Variants in FSTL5 observed in about 807,000 individuals in gnomAD.
The protein encoded by FSTL5 is follistatin like 5, also known as follistatin-related protein 5.
A neutral mutation model predicts 89.1 loss-of-function variants in FSTL5; 62 were observed. The ratio of observed to expected loss-of-function variants is 0.70; its 90% CI spans 0.57 to 0.86. The LOEUF (loss-of-function observed/expected upper bound fraction) is 0.86, where lower values mean the gene tolerates loss of function less well. Ranked by LOEUF, FSTL5 falls within the 40% of genes least tolerant of loss-of-function variation. FSTL5 has a pLI of 0.00. For missense variants in FSTL5, 1,057 were observed against 1,001.6 expected (o/e 1.06, Z -0.75); for synonymous variants, 383 against 346.2 (o/e 1.11, Z -1.18).
At chr4:161,833,121 C>T (rs1730903772) in intron 4 of FSTL5, among the ~76,000 whole-genome samples, 2 of 150,794 alleles carry the variant, frequency 1.3e-5, no homozygotes, top group East Asian at 3.9e-4. Context: ...TTTATTTCTG[C>T]CTTCATTTCG....
intron 4 of FSTL5, among the ~76,000 whole-genome samples, chr4:161,834,884 A>C (rs1261535519): frequency 6.6e-6 from 1 of 151,760 alleles, no homozygotes; most frequent in Non-Finnish European, 1.5e-5. Context: ...TGCCCAAGGT[A>C]ATTTATAGAT....
chr4:161,786,054 G>C (rs1409896487), intron 4 of FSTL5, among the ~76,000 whole-genome samples: 1 of 151,946 alleles, frequency 6.6e-6, no homozygotes, highest in Non-Finnish European at 1.5e-5. Flanking sequence ...GACCAAACAA[G>C]AGATAATACA....
intron 8 of FSTL5, among the ~76,000 whole-genome samples, chr4:161,579,741 A>AAG (rs1195393964): frequency 9.9e-6 from 1 of 101,250 alleles, no homozygotes; most frequent in Non-Finnish European, 2.4e-5. Context: ...CAAAAAAAAA[A>AAG]AAAGAAAGAA....
chr4:162,138,440 G>A (rs2111473765), intron 1 of FSTL5, among the ~76,000 whole-genome samples: 1 of 152,116 alleles, frequency 6.6e-6, no homozygotes, highest in South Asian at 2.1e-4. Context: ...GTCAACGTAT[G>A]ATAAACACTC....
intron 2 of FSTL5, among the ~76,000 whole-genome samples, chr4:162,094,681 G>C (rs1730679967): frequency 6.6e-6 from 1 of 152,110 alleles, no homozygotes; most frequent in South Asian, 2.1e-4. Context: ...CTAATTCATA[G>C]TGAAATATAT....
rs1299811609 is a variant in FSTL5, at chr4:162,024,576, A to C, written c.160+9049T>G. The stretch of plus-strand genomic sequence containing the variant: ...GTTGTTTCTAAATGTAGCAGTAGTT[A>C]ACTACAATCAATAGTTTAAATTAAG... On this transcript the variant is annotated intron_variant, in intron 3 of 15. Transcript: ENST00000306100. Among the ~76,000 whole-genome samples, 5 of 152,322 alleles carry C rather than the reference A, an allele frequency of 3.3e-5. No individual in the cohort carries two copies. The East Asian group carries it at 9.6e-4, about 29-fold the overall frequency.
At chr4:161,755,316 G>A (rs1740530939) in intron 6 of FSTL5, among the ~76,000 whole-genome samples, 1 of 151,656 alleles carries the variant, frequency 6.6e-6, no homozygotes, top group African/African-American at 2.4e-5. Flanking sequence ...AAAGAAAAAA[G>A]GTATTTTTGA....
chr4:161,935,915 C>T (rs1156634524), intron 3 of FSTL5, among the ~76,000 whole-genome samples: 3 of 152,154 alleles, frequency 2.0e-5, no homozygotes, highest in African/African-American at 7.2e-5. Flanking sequence ...GGTGAGGTGG[C>T]CCATGCCTGG....
intron 15 of FSTL5, among the ~76,000 whole-genome samples, chr4:161,410,486 C>T (rs779833282): frequency 6.6e-6 from 1 of 152,222 alleles, no homozygotes; most frequent in East Asian, 1.9e-4. Flanking sequence ...ATAAAGCAAG[C>T]CTCCACAAAT....
At chr4:161,450,846 G>A (rs905425795) in intron 15 of FSTL5, among the ~76,000 whole-genome samples, 4 of 151,168 alleles carry the variant, frequency 2.6e-5, no homozygotes, top group African/African-American at 9.7e-5. Flanking sequence ...CAGGTTCATG[G>A]CATTCTCCTG....
intron 2 of FSTL5, among the ~76,000 whole-genome samples, chr4:162,057,530 T>C (rs879320419): frequency 6.6e-6 from 1 of 152,242 alleles, no homozygotes. Context: ...TTACAATTGC[T>C]TTCACTACTT....
At chr4:161,884,635 A>C (rs1732742060) in intron 4 of FSTL5, among the ~76,000 whole-genome samples, 1 of 152,176 alleles carries the variant, frequency 6.6e-6, no homozygotes, top group African/African-American at 2.4e-5. Flanking sequence ...TTGTTTTTTA[A>C]ATTACCTTTA....
chr4:162,062,451 T>C (rs2111285450), intron 2 of FSTL5, among the ~76,000 whole-genome samples: 1 of 152,004 alleles, frequency 6.6e-6, no homozygotes, highest in East Asian at 1.9e-4. Context: ...TCGTCTTTCC[T>C]ATCCAGTACA....
At chr4:161,661,705 G>C (rs1020211226) in intron 6 of FSTL5, among the ~76,000 whole-genome samples, 1 of 152,014 alleles carries the variant, frequency 6.6e-6, no homozygotes, top group African/African-American at 2.4e-5. Flanking sequence ...TAGAATCTTC[G>C]AGACTAAATG....
intron 8 of FSTL5, among the ~76,000 whole-genome samples, chr4:161,556,699 G>T (rs536134154): frequency 1.4e-3 from 216 of 151,098 alleles, no homozygotes; most frequent in South Asian, 8.9e-3. Flanking sequence ...AGATAATTTT[G>T]CTCAGGAAGT....
intron 7 of FSTL5, among the ~76,000 whole-genome samples, chr4:161,632,742 A>G (rs1046744939): frequency 3.3e-5 from 5 of 152,324 alleles, no homozygotes; most frequent in South Asian, 2.1e-4. Flanking sequence ...TTGGAGTTAT[A>G]TACACTATTT....
At chr4:162,140,515 C>CAAT (rs1554002697) in intron 1 of FSTL5, among the ~76,000 whole-genome samples, 2 of 152,036 alleles carry the variant, frequency 1.3e-5, no homozygotes, top group Admixed American at 6.6e-5. Flanking sequence ...GGGGTGAGGA[C>CAAT]CAGTTTGAGC....
chr4:161,748,605 CGT>C (rs920352508), intron 6 of FSTL5, among the ~76,000 whole-genome samples: 8 of 105,222 alleles, frequency 7.6e-5, no homozygotes, highest in African/African-American at 1.9e-4. Context: ...AGGGGAAGCA[CGT>C]TTTTTTTTTT....
chr4:162,018,102 T>C (rs1368909426), intron 3 of FSTL5, among the ~76,000 whole-genome samples: 1 of 152,088 alleles, frequency 6.6e-6, no homozygotes, highest in East Asian at 1.9e-4. Context: ...TCCCTAACAA[T>C]AGCCCTGTGC....
Sources: gnomAD v4.1 joint callset for allele counts (sites outside exome capture counted in the v4.1 genomes callset) on GRCh38, gnomAD v4.1.1 for gene constraint, MANE v1.5 for transcripts, NCBI Gene and HGNC (gene_info 2026-07-23, HGNC 2026-07-21) for gene names.